TBC1D1: variants seen among roughly 807,000 people sequenced by gnomAD.
TBC1D1 encodes the protein TBC1 (tre-2/USP6, BUB2, cdc16) domain family, member 1.
In TBC1D1, 89 loss-of-function variants were observed where a neutral mutation model predicts 125.6. The ratio of observed to expected loss-of-function variants is 0.71; its 90% CI spans 0.60 to 0.85. The LOEUF is 0.85. Among genes scored for constraint, TBC1D1 ranks in the 40% least tolerant of loss-of-function variants. The pLI is 0.00. For synonymous variants in TBC1D1, 565 were observed against 564.1 expected, an observed-to-expected ratio of 1.00 and a Z score of -0.02; for missense variants, 1,377 against 1,469.2, an observed-to-expected ratio of 0.94 and a Z score of 1.03.
chr4:37,893,116 G>C (rs1347871528), intron 1 of TBC1D1, among the ~76,000 whole-genome samples: 1 of 152,160 alleles, frequency 6.6e-6, no homozygotes, highest in East Asian at 1.9e-4. Flanking sequence ...TTGGTGCCTG[G>C]AGCAGGCACC....
intron 2 of TBC1D1, among the ~76,000 whole-genome samples, chr4:38,013,643 C>T (rs897836727): frequency 3.9e-5 from 6 of 152,178 alleles, no homozygotes; most frequent in African/African-American, 1.2e-4. Context: ...CACTGCCGTG[C>T]GGATTCATCT....
intron 2 of TBC1D1, among the ~76,000 whole-genome samples, chr4:37,948,741 A>C (rs541574933): frequency 1.3e-5 from 2 of 152,154 alleles, no homozygotes; most frequent in East Asian, 1.9e-4. Context: ...GCACTCCCCC[A>C]AAAAACCTGT....
intron 7 of TBC1D1, among the ~76,000 whole-genome samples, chr4:38,031,890 T>G (rs1253075896): frequency 1.3e-5 from 2 of 152,346 alleles, no homozygotes; most frequent in Non-Finnish European, 2.9e-5. Context: ...TAACAGGCGA[T>G]TAATTATTTT....
chr4:37,933,666 G>C (rs1325674699), intron 2 of TBC1D1, among the ~76,000 whole-genome samples: 1 of 152,180 alleles, frequency 6.6e-6, no homozygotes, highest in Non-Finnish European at 1.5e-5. Context: ...GTAACTATGA[G>C]TAGCTACCAT....
chr4:37,954,270 C>T (rs1728471593), intron 2 of TBC1D1, among the ~76,000 whole-genome samples: 1 of 152,116 alleles, frequency 6.6e-6, no homozygotes, highest in Non-Finnish European at 1.5e-5. Context: ...ACGTGGGTCA[C>T]ATGTTGACTT....
intron 2 of TBC1D1, among the ~76,000 whole-genome samples, chr4:37,938,398 G>A (rs550230380): frequency 6.6e-6 from 1 of 152,278 alleles, no homozygotes; most frequent in Non-Finnish European, 1.5e-5. Context: ...TAGTGCCCAG[G>A]AAGCAGTGCC....
rs1746963455 is a variant in TBC1D1, at chr4:38,035,146, A to G, written c.1303-442A>G. On this transcript the variant is annotated intron_variant, in intron 7 of 19. Transcript: ENST00000261439. ...AGGGGGTGCCCCATGGGGATTCCAC[A>G]GAGTGCTTCACGGTGAACACATTCG... Among the ~76,000 whole-genome samples the G allele has an allele frequency of 5.3e-5, 8 of 152,348 alleles. No homozygotes were observed. In the South Asian group the frequency reaches 1.7e-3, roughly 32 times the overall value.
intron 17 of TBC1D1, among the ~76,000 whole-genome samples, chr4:38,122,053 C>T (rs1409981006): frequency 1.3e-5 from 2 of 152,214 alleles, no homozygotes; most frequent in East Asian, 3.9e-4. Context: ...CTCACAGAAG[C>T]TTCTGGGGCT....
chr4:38,036,990 CT>C (rs1227733578), intron 8 of TBC1D1, among the ~76,000 whole-genome samples: 4 of 152,100 alleles, frequency 2.6e-5, no homozygotes, highest in Admixed American at 6.5e-5. Flanking sequence ...TTTCCACTCC[CT>C]TTTTCCCCTC....
intron 18 of TBC1D1, among the ~76,000 whole-genome samples, chr4:38,126,869 T>C (rs1764737675): frequency 6.6e-6 from 1 of 152,224 alleles, no homozygotes; most frequent in South Asian, 2.1e-4. Flanking sequence ...GCAGCTCTCC[T>C]ACACTGCCAA....
chr4:37,948,746 A>T (rs561793719), intron 2 of TBC1D1, among the ~76,000 whole-genome samples: 2 of 152,214 alleles, frequency 1.3e-5, no homozygotes, highest in Non-Finnish European at 2.9e-5. Context: ...CCCCCAAAAA[A>T]CCTGTACGTA....
chr4:37,919,477 C>T (rs947996966), intron 2 of TBC1D1, among the ~76,000 whole-genome samples: 7 of 151,844 alleles, frequency 4.6e-5, no homozygotes, highest in Admixed American at 3.3e-4. Context: ...TAAGCCACCG[C>T]GCCTGGCTAA....
chr4:38,046,308 C>G (rs1282470703), intron 10 of TBC1D1, among the ~76,000 whole-genome samples: 1 of 151,384 alleles, frequency 6.6e-6, no homozygotes, highest in African/African-American at 2.4e-5. Flanking sequence ...GGAGGCGGAG[C>G]TTGCAGTGAG....
At chr4:37,892,004 A>G (rs1713437395) in intron 1 of TBC1D1, among the ~76,000 whole-genome samples, 1 of 152,012 alleles carries the variant, frequency 6.6e-6, no homozygotes, top group Non-Finnish European at 1.5e-5. Context: ...TACTTAACAT[A>G]GCTTATTCTC....
chr4:38,118,380 T>A, intron 17 of TBC1D1, 188 bp downstream of exon 19: 1 of 563,486 alleles, frequency 1.8e-6, no homozygotes. Context: ...CTTCTGATAA[T>A]CACGGGGCTT....
At chr4:38,067,850 C>T (rs1436107003) in intron 12 of TBC1D1, among the ~76,000 whole-genome samples, 1 of 152,180 alleles carries the variant, frequency 6.6e-6, no homozygotes, top group Non-Finnish European at 1.5e-5. Flanking sequence ...AGGTATGGCC[C>T]TCCTTACCTC....
At chr4:37,918,692 C>T (rs1270001859) in intron 2 of TBC1D1, among the ~76,000 whole-genome samples, 1 of 152,194 alleles carries the variant, frequency 6.6e-6, no homozygotes, top group Admixed American at 6.5e-5. Context: ...AGGTGGCCCG[C>T]CTGCCTTGGC....
rs1001048605 is a variant in TBC1D1, at chr4:38,119,886, G to A, written c.2962+1694G>A. Reference sequence around the variant, plus strand: ...ACTGGAGGGCTGAGGGGTCATCACTGAGTCATCTCTGCCCTGGGGCCCCAG... The same window carrying A: ...ACTGGAGGGCTGAGGGGTCATCACTAAGTCATCTCTGCCCTGGGGCCCCAG... On this transcript the variant is annotated intron_variant, in intron 17 of 19. Coordinates refer to ENST00000261439, the MANE Select transcript of TBC1D1 (RefSeq NM_015173.4). 6.6e-6 allele frequency: 6 copies of A among 915,524 alleles called. No individual in the cohort carries two copies. The African/African-American group carries it at 1.1e-4, about 16-fold the overall frequency. 56.7% of individuals were successfully genotyped at this position (915,524 alleles called of 1,614,324 possible).
intron 2 of TBC1D1, 144 bp downstream of exon 2, chr4:37,902,656 T>A (rs4008479): frequency 8.8e-6 from 6 of 685,010 alleles, no homozygotes; most frequent in African/African-American, 1.8e-5. Flanking sequence ...TGAATTTTTG[T>A]TTTATGGTGA....
Sources: allele counts gnomAD v4.1 joint callset (sites outside exome capture counted in the v4.1 genomes callset), GRCh38; gene constraint gnomAD v4.1.1; transcripts MANE v1.5; gene names NCBI Gene and HGNC (gene_info 2026-07-23, HGNC 2026-07-21).